The following KIAA1217 variants were observed in gnomAD, a reference collection of about 807,000 sequenced individuals.
KIAA1217 encodes KIAA1217.
KIAA1217 carries 88 observed loss-of-function variants against 163.9 expected under a neutral mutation model. That is an observed-to-expected ratio of 0.54 (90% CI 0.45 to 0.64). The LOEUF is 0.64. Among genes scored for constraint, KIAA1217 ranks in the 30% least tolerant of loss-of-function variants. The pLI is 0.00. For missense variants in KIAA1217, 2,372 were observed against 2,475.0 expected (o/e 0.96, Z 0.88); for synonymous variants, 903 against 923.1 (o/e 0.98, Z 0.39).
intron 2 of KIAA1217, among the ~76,000 whole-genome samples, chr10:24,288,527 C>T (rs1427668774): frequency 1.3e-5 from 2 of 152,164 alleles, no homozygotes; most frequent in African/African-American, 4.8e-5. Context: ...GTCCTCAAGC[C>T]TTAGTGGGAG....
chr10:24,431,508 C>T (rs2059601903), intron 3 of KIAA1217, among the ~76,000 whole-genome samples: 1 of 152,104 alleles, frequency 6.6e-6, no homozygotes, highest in Non-Finnish European at 1.5e-5. Flanking sequence ...GGAGACCACT[C>T]CCAAGACGGC....
chr10:23,849,302 C>CT (rs1839191508), intron 1 of KIAA1217, among the ~76,000 whole-genome samples: 2 of 152,104 alleles, frequency 1.3e-5, no homozygotes, highest in African/African-American at 4.8e-5. Flanking sequence ...CCAGTTTTTA[C>CT]TTACATAAGC....
chr10:24,087,826 A>T (rs1408347806), intron 2 of KIAA1217, among the ~76,000 whole-genome samples: 1 of 152,210 alleles, frequency 6.6e-6, no homozygotes, highest in South Asian at 2.1e-4. Flanking sequence ...CTAATCAAAG[A>T]GTTAGGGAAT....
chr10:23,868,187 G>A (rs183951446), intron 1 of KIAA1217, among the ~76,000 whole-genome samples: 1 of 152,112 alleles, frequency 6.6e-6, no homozygotes, highest in East Asian at 1.9e-4. Flanking sequence ...AGCCCTGTTT[G>A]TCTTTGTGTT....
intron 3 of KIAA1217, among the ~76,000 whole-genome samples, chr10:24,398,819 C>A (rs1172730500): frequency 1.3e-5 from 2 of 152,206 alleles, no homozygotes; most frequent in African/African-American, 4.8e-5. Flanking sequence ...GAAGATCATG[C>A]TTTGCCATTT....
chr10:24,375,871 C>A (rs1031366423), intron 2 of KIAA1217, among the ~76,000 whole-genome samples: 1 of 152,198 alleles, frequency 6.6e-6, no homozygotes, highest in Non-Finnish European at 1.5e-5. Context: ...TAACATATTA[C>A]GTAAAGCTAC....
chr10:24,246,586 C>G (rs148807876), intron 2 of KIAA1217, among the ~76,000 whole-genome samples: 87 of 152,260 alleles, frequency 5.7e-4, no homozygotes, highest in Non-Finnish European at 1.1e-3. Flanking sequence ...GAACACATAA[C>G]CAAGTTATAT....
At position 24,402,516 on chromosome 10, in the gene KIAA1217, C is replaced by CAAAAAAAAAAAAA. The variant is rs372012492; in HGVS notation, c.553+21455_553+21456insAAAAAAAAAAAAA. Among the ~76,000 whole-genome samples the CAAAAAAAAAAAAA allele has an allele frequency of 2.7e-4, 25 of 92,936 alleles. 1 individual carries two copies. Among genetic ancestry groups the CAAAAAAAAAAAAA allele is most frequent in the African/African-American group, 6.1e-4 (14 of 23,012 alleles). 61.0% of individuals were successfully genotyped at this position (92,936 alleles called of 152,430 possible). On this transcript the variant is annotated intron_variant, in intron 3 of 20. Transcript: ENST00000376454. ...AAGGCAAGACTCCCTCTCAAAAAAA[C>CAAAAAAAAAAAAA]AAAAAACAAAACAAAAAAAAAAAAA...
chr10:24,404,219 C>T (rs1383747371), intron 3 of KIAA1217, among the ~76,000 whole-genome samples: 2 of 152,138 alleles, frequency 1.3e-5, no homozygotes, highest in African/African-American at 2.4e-5. Flanking sequence ...CTTTGGCCTC[C>T]CAAAGTGCTG....
intron 1 of KIAA1217, among the ~76,000 whole-genome samples, chr10:23,717,748 C>G (rs955889360): frequency 2.0e-5 from 3 of 152,014 alleles, no homozygotes; most frequent in African/African-American, 4.8e-5. Context: ...AATCCTCTAC[C>G]CTTGGCAACA....
chr10:24,073,816 C>T (rs1214502964), intron 2 of KIAA1217, among the ~76,000 whole-genome samples: 2 of 152,116 alleles, frequency 1.3e-5, no homozygotes, highest in African/African-American at 2.4e-5. Flanking sequence ...GACTAGAGTG[C>T]CACAGCACAC....
intron 2 of KIAA1217, among the ~76,000 whole-genome samples, chr10:24,359,927 T>A (rs1200567894): frequency 6.6e-6 from 1 of 152,050 alleles, no homozygotes; most frequent in East Asian, 1.9e-4. Context: ...GAAAAGGAAT[T>A]ATATTACAAT....
At chr10:24,517,729 T>A (rs562703621) in intron 10 of KIAA1217, among the ~76,000 whole-genome samples, 1 of 152,304 alleles carries the variant, frequency 6.6e-6, no homozygotes, top group East Asian at 1.9e-4. Flanking sequence ...GCACAGTGAT[T>A]CACACCTATA....
At chr10:24,118,788 A>G (rs2063163560) in intron 2 of KIAA1217, among the ~76,000 whole-genome samples, 1 of 151,988 alleles carries the variant, frequency 6.6e-6, no homozygotes, top group Non-Finnish European at 1.5e-5. Context: ...TAAAAGGAAG[A>G]TTTCTCAAAG....
chr10:23,808,466 T>A (rs1002554821), intron 1 of KIAA1217, among the ~76,000 whole-genome samples: 1 of 152,178 alleles, frequency 6.6e-6, no homozygotes, highest in African/African-American at 2.4e-5. Context: ...TATAAGCGTA[T>A]TTTTCAAGTG....
intron 1 of KIAA1217, among the ~76,000 whole-genome samples, chr10:23,720,892 C>CAAGAA (rs1837845352): frequency 6.6e-6 from 1 of 152,050 alleles, no homozygotes; most frequent in African/African-American, 2.4e-5. Context: ...CTCTTGTTCC[C>CAAGAA]TAAGGGATGA....
intron 1 of KIAA1217, among the ~76,000 whole-genome samples, chr10:23,822,640 G>T (rs1837675599): frequency 6.6e-6 from 1 of 152,170 alleles, no homozygotes; most frequent in South Asian, 2.1e-4. Flanking sequence ...TTGTCAGATT[G>T]GGGTAATTGT....
In KIAA1217 at chr10:24,002,776, T is replaced by C. The variant is rs567353068; in HGVS notation, c.-320-4449T>C. Among the ~76,000 whole-genome samples, 134 of 152,276 alleles carry C rather than the reference T, an allele frequency of 8.8e-4. 1 individual carries two copies. The highest frequency in any genetic ancestry group is 3.1e-3 in the African/African-American group (130 of 41,564). ...CTCAAGCAGTGAACACTGTACCCAGTGTGTAGTCTTTCATCCCTCACCCCC... is the reference window on the plus strand; with the variant it reads ...CTCAAGCAGTGAACACTGTACCCAGCGTGTAGTCTTTCATCCCTCACCCCC... On this transcript the variant is annotated intron_variant, in intron 1 of 18. Transcript: ENST00000376462.
intron 2 of KIAA1217, among the ~76,000 whole-genome samples, chr10:24,276,144 G>A (rs1370665567): frequency 2.6e-5 from 4 of 152,128 alleles, no homozygotes; most frequent in African/African-American, 4.8e-5. Context: ...CAAGGTCATT[G>A]GAATCTGCTG....
Sources: allele counts gnomAD v4.1 joint callset (sites outside exome capture counted in the v4.1 genomes callset), GRCh38; gene constraint gnomAD v4.1.1; transcripts MANE v1.5; gene names NCBI Gene and HGNC (gene_info 2026-07-23, HGNC 2026-07-21).